The following ADAM23 variants were observed in gnomAD, a reference collection of about 807,000 sequenced individuals.
The protein encoded by ADAM23 is disintegrin and metalloproteinase domain-containing protein 23.
In ADAM23, 33 loss-of-function variants were observed where a neutral mutation model predicts 120.1. That is an observed-to-expected ratio of 0.27 (90% confidence interval 0.21 to 0.37). The LOEUF is 0.37. Ranked by LOEUF, ADAM23 falls within the 10% of genes least tolerant of loss-of-function variation. ADAM23 has a pLI of 1.00. For synonymous variants in ADAM23, 367 were observed against 375.2 expected, an observed-to-expected ratio of 0.98 and a Z score of 0.25; for missense variants, 862 against 1,058.2, an observed-to-expected ratio of 0.81 and a Z score of 2.57.
In ADAM23 at chr2:206,596,104, T is replaced by C; in HGVS notation, c.2301T>C (p.Asp767=). 4 of 1,614,028 alleles carry C rather than the reference T, an allele frequency of 2.5e-6. No individual in the cohort carries two copies. The highest frequency in any genetic ancestry group is 1.3e-5 in the African/African-American group (1 of 75,044). ...GTGATTTCACCTGGGCAGGGACAGA[T>C]TGCAGTATCCGGGATCCAGTTAGGA... ...CICDFTWAGT[D]CSIRDPVRNL... Residue 767 remains aspartate, a synonymous_variant, in exon 24 of 26, where the codon GAT becomes GAC. Coordinates refer to ENST00000264377, the MANE Select transcript of ADAM23 (RefSeq NM_003812.4).
At chr2:206,545,299 A>T (rs545425460) in intron 6 of ADAM23, among the ~76,000 whole-genome samples, 2 of 152,200 alleles carry the variant, frequency 1.3e-5, no homozygotes, top group East Asian at 3.9e-4. Context: ...CAGCCCAGCC[A>T]ATATGGTGAA....
chr2:206,516,449 A>C (rs1262843291), intron 3 of ADAM23, among the ~76,000 whole-genome samples: 1 of 152,112 alleles, frequency 6.6e-6, no homozygotes, highest in Non-Finnish European at 1.5e-5. Context: ...AACAACATTT[A>C]TTTCTCACAG....
At chr2:206,612,445 A>G (rs1698844140) in intron 25 of ADAM23, among the ~76,000 whole-genome samples, 1 of 152,224 alleles carries the variant, frequency 6.6e-6, no homozygotes, top group African/African-American at 2.4e-5. Flanking sequence ...TGTACAAAAG[A>G]TTGTTCTAAA....
At chr2:206,473,256 T>C (rs1695697833) in intron 2 of ADAM23, among the ~76,000 whole-genome samples, 1 of 152,204 alleles carries the variant, frequency 6.6e-6, no homozygotes, top group African/African-American at 2.4e-5. Flanking sequence ...AATTTCATTC[T>C]ATTAAATAAA....
intron 21 of ADAM23, among the ~76,000 whole-genome samples, 164 bp downstream of exon 21, chr2:206,589,678 T>C (rs141348158): frequency 1.9e-4 from 29 of 152,338 alleles, no homozygotes; most frequent in African/African-American, 5.8e-4. Flanking sequence ...TAGAGGCAAA[T>C]GGCTATAGAT....
At chr2:206,465,305 A>T (rs2105863476) in intron 2 of ADAM23, among the ~76,000 whole-genome samples, 1 of 152,248 alleles carries the variant, frequency 6.6e-6, no homozygotes, top group Non-Finnish European at 1.5e-5. Context: ...CTCCCGAAGA[A>T]TTGAGATTAC....
chr2:206,594,868 C>A lies in ADAM23; in HGVS notation c.2210C>A (p.Pro737Gln). The change falls in exon 23 of 26, where the codon CCA (proline) becomes CAA (glutamine). Residue 737 changes from proline (P) to glutamine (Q), a missense_variant. By Grantham distance (76) the Pro-to-Gln change is moderately conservative. This residue lies in a region of ADAM23 where 617 missense variants were observed against 813.5 expected (regional missense o/e 0.76). Transcript: ENST00000264377. ...QIQALNMSSC[P>Q]LDSKGKVCSG... is the part of the protein sequence containing the mutation. Reference sequence around the variant, plus strand: ...CAAGCCCTAAATATGAGCAGCTGTCCACTCGATTCCAAGGGTAAAGTCTGT... The same window carrying A: ...CAAGCCCTAAATATGAGCAGCTGTCAACTCGATTCCAAGGGTAAAGTCTGT... The A allele has an allele frequency of 6.2e-7, 1 of 1,614,044 alleles. No individual in the cohort carries two copies. The highest frequency in any genetic ancestry group is 8.5e-7 in the Non-Finnish European group (1 of 1,179,950).
chr2:206,597,138 T>G (rs1029815805), intron 24 of ADAM23, among the ~76,000 whole-genome samples: 2 of 151,124 alleles, frequency 1.3e-5, no homozygotes, highest in Admixed American at 6.6e-5. Flanking sequence ...AGTTCTGGGA[T>G]TATAGGTGTG....
chr2:206,542,980 T>A (rs1697323297), intron 5 of ADAM23, among the ~76,000 whole-genome samples: 1 of 152,212 alleles, frequency 6.6e-6, no homozygotes, highest in Admixed American at 6.5e-5. Context: ...TTCTAATCTG[T>A]CTGTTGAATT....
At chr2:206,598,305 T>C (rs1698568338) in intron 24 of ADAM23, among the ~76,000 whole-genome samples, 1 of 152,160 alleles carries the variant, frequency 6.6e-6, no homozygotes, top group Admixed American at 6.5e-5. Flanking sequence ...ACTCTGCCTT[T>C]TTTTCTTTAA....
At chr2:206,450,115 G>T (rs1695162172) in intron 2 of ADAM23, among the ~76,000 whole-genome samples, 1 of 152,106 alleles carries the variant, frequency 6.6e-6, no homozygotes, top group Admixed American at 6.6e-5. Context: ...AGGAACATAG[G>T]ATGAAGACTC....
chr2:206,569,229 A>C (rs1422762248), intron 15 of ADAM23, among the ~76,000 whole-genome samples: 1 of 152,234 alleles, frequency 6.6e-6, no homozygotes, highest in Non-Finnish European at 1.5e-5. Context: ...ATATGCATAA[A>C]GATCCATCAA....
At chr2:206,542,853 G>A (rs1697320585) in intron 5 of ADAM23, among the ~76,000 whole-genome samples, 1 of 152,102 alleles carries the variant, frequency 6.6e-6, no homozygotes, top group South Asian at 2.1e-4. Context: ...TAAAGAATCT[G>A]TTTTCTTACA....
intron 3 of ADAM23, among the ~76,000 whole-genome samples, chr2:206,524,868 A>G (rs980651040): frequency 2.0e-5 from 3 of 152,174 alleles, no homozygotes; most frequent in African/African-American, 4.8e-5. Context: ...AAGTATGATG[A>G]CAGAACCCAA....
intron 9 of ADAM23, among the ~76,000 whole-genome samples, chr2:206,555,966 T>C (rs747428438): frequency 1.3e-5 from 2 of 152,176 alleles, no homozygotes; most frequent in African/African-American, 2.4e-5. Context: ...GAGCTATCTA[T>C]AGAAACTTCT....
At chr2:206,523,400 G>C (rs922270248) in intron 3 of ADAM23, among the ~76,000 whole-genome samples, 7 of 152,104 alleles carry the variant, frequency 4.6e-5, no homozygotes, top group African/African-American at 1.7e-4. Context: ...ACCAGCCCTT[G>C]CCGGGCATGC....
chr2:206,518,424 T>C (rs1696776909), intron 3 of ADAM23, among the ~76,000 whole-genome samples: 1 of 152,176 alleles, frequency 6.6e-6, no homozygotes, highest in Admixed American at 6.5e-5. Flanking sequence ...TGTCATCAAA[T>C]TTGCTTATTA....
chr2:206,568,887 C>A (rs183460186), intron 15 of ADAM23, among the ~76,000 whole-genome samples: 1 of 152,076 alleles, frequency 6.6e-6, no homozygotes, highest in East Asian at 1.9e-4. Context: ...AGTGACACTA[C>A]GTAGTCAGGA....
chr2:206,484,278 G>T (rs1695958261), intron 3 of ADAM23, among the ~76,000 whole-genome samples: 1 of 152,134 alleles, frequency 6.6e-6, no homozygotes, highest in African/African-American at 2.4e-5. Context: ...GGGAGGTTGG[G>T]TTGGGGCTTG....
Sources: allele counts gnomAD v4.1 joint callset (sites outside exome capture counted in the v4.1 genomes callset), GRCh38; gene constraint gnomAD v4.1.1; regional missense constraint gnomAD v4.1.1; transcripts MANE v1.5; gene names NCBI Gene and HGNC (gene_info 2026-07-23, HGNC 2026-07-21).